The following ATG7 variants were observed in gnomAD, a reference collection of about 807,000 sequenced individuals.
ATG7 encodes the protein ubiquitin-like modifier-activating enzyme ATG7.
In ATG7, 70 loss-of-function variants were observed where a neutral mutation model predicts 82.4. The ratio of observed to expected loss-of-function variants is 0.85; its 90% CI spans 0.70 to 1.04. The LOEUF is 1.04. Among genes scored for constraint, ATG7 ranks in the 50% least tolerant of loss-of-function variants. ATG7 has a pLI of 0.00. For synonymous variants in ATG7, 287 were observed against 313.0 expected, an observed-to-expected ratio of 0.92 and a Z score of 0.88; for missense variants, 792 against 864.3, an observed-to-expected ratio of 0.92 and a Z score of 1.05.
intron 19 of ATG7, among the ~76,000 whole-genome samples, chr3:11,405,300 A>G (rs769743680): frequency 2.9e-4 from 44 of 152,132 alleles, no homozygotes; most frequent in Admixed American, 5.2e-4. Flanking sequence ...CCCACTGACT[A>G]TTGGGCTGCC....
rs1321510643 is a variant in ATG7, at chr3:11,360,793, A to T, written c.1683+9A>T. On this transcript the variant is annotated intron_variant, in intron 16 of 20. Coordinates refer to ENST00000693202, the MANE Select transcript of ATG7 (RefSeq NM_001349232.2). The stretch of plus-strand genomic sequence containing the variant: ...TGGTGGCCCCAGGAGATGTAAGTGG[A>T]TTTCTCTATAGTTCCAAATATTTCC... The T allele has an allele frequency of 6.2e-7, 1 of 1,613,936 alleles. No homozygotes were observed. Among genetic ancestry groups the T allele is most frequent in the East Asian group, 2.2e-5 (1 of 44,880 alleles).
intron 19 of ATG7, among the ~76,000 whole-genome samples, chr3:11,395,933 C>A (rs2079193967): frequency 1.1e-5 from 1 of 94,036 alleles, no homozygotes. Flanking sequence ...GAGCGAGACT[C>A]TGTCTCAAAA....
intron 20 of ATG7, among the ~76,000 whole-genome samples, chr3:11,535,161 C>T (rs2092766338): frequency 6.6e-6 from 1 of 152,236 alleles, no homozygotes; most frequent in African/African-American, 2.4e-5. Context: ...TTTCATCCTT[C>T]GGGGCCTGGA....
At position 11,424,486 on chromosome 3, in the gene ATG7, C is replaced by A. The variant is rs555853123; in HGVS notation, c.1957-2318C>A. Among the ~76,000 whole-genome samples the A allele has an allele frequency of 1.5e-4, 23 of 150,794 alleles. No homozygotes were observed. In the South Asian group the frequency reaches 3.6e-3, roughly 23 times the overall value. The stretch of plus-strand genomic sequence containing the variant: ...AGAGCGAGACTGTCACCAACAACAA[C>A]AAAAAAAACACTGATTGCAGCAACA... On this transcript the variant is annotated intron_variant, in intron 19 of 20. Coordinates refer to ENST00000693202, the MANE Select transcript of ATG7 (RefSeq NM_001349232.2).
At chr3:11,449,154 G>A (rs1450635380) in intron 20 of ATG7, among the ~76,000 whole-genome samples, 1 of 152,226 alleles carries the variant, frequency 6.6e-6, no homozygotes, top group Non-Finnish European at 1.5e-5. Context: ...AGCTTGTAAT[G>A]CAGAGGCCAC....
At chr3:11,325,275 G>C (rs1950713207) in intron 9 of ATG7, among the ~76,000 whole-genome samples, 1 of 152,144 alleles carries the variant, frequency 6.6e-6, no homozygotes, top group Non-Finnish European at 1.5e-5. Context: ...TGAACAAAGA[G>C]GTCAATGAAG....
At chr3:11,423,795 T>C (rs1350618081) in intron 19 of ATG7, among the ~76,000 whole-genome samples, 1 of 152,168 alleles carries the variant, frequency 6.6e-6, no homozygotes, top group Non-Finnish European at 1.5e-5. Flanking sequence ...TCCCAGTCCC[T>C]TCAGTGGTGC....
At chr3:11,317,644 G>T (rs1315530724) in intron 9 of ATG7, among the ~76,000 whole-genome samples, 1 of 137,486 alleles carries the variant, frequency 7.3e-6, no homozygotes, top group Non-Finnish European at 1.5e-5. Flanking sequence ...CCAGGCTGAA[G>T]TACAGTGGCA....
At chr3:11,291,993 C>G (rs768762623) in intron 3 of ATG7, among the ~76,000 whole-genome samples, 3 of 152,168 alleles carry the variant, frequency 2.0e-5, no homozygotes, top group Non-Finnish European at 4.4e-5. Context: ...TTCCTGGTGG[C>G]AGTTTGTCAC....
downstream of ATG7, among the ~76,000 whole-genome samples, chr3:11,559,067 ATTAAAT>A (rs1322482688): frequency 3.3e-5 from 5 of 152,232 alleles, no homozygotes; most frequent in East Asian, 3.9e-4. Context: ...AGAATGTGGC[ATTAAAT>A]TTAAATAACA....
chr3:11,312,504 C>G (rs1948821841), intron 7 of ATG7, among the ~76,000 whole-genome samples: 1 of 152,188 alleles, frequency 6.6e-6, no homozygotes, highest in African/African-American at 2.4e-5. Context: ...TTCTATTCAC[C>G]CATCCAGCTT....
At chr3:11,547,059 T>C (rs1041190442) in intron 20 of ATG7, among the ~76,000 whole-genome samples, 2 of 152,224 alleles carry the variant, frequency 1.3e-5, no homozygotes, top group Non-Finnish European at 2.9e-5. Context: ...GCTGTTGCTC[T>C]TGGGCACCTA....
intron 20 of ATG7, among the ~76,000 whole-genome samples, chr3:11,525,482 TTGTA>T (rs1314486183): frequency 2.0e-5 from 3 of 149,904 alleles, no homozygotes; most frequent in Non-Finnish European, 4.4e-5. Context: ...TCCTTTGCCC[TTGTA>T]TGTGACAGAT....
At chr3:11,568,065 T>A in the ATG7 span, among the ~76,000 whole-genome samples, 2 of 152,150 alleles carry the variant, frequency 1.3e-5, no homozygotes, top group African/African-American at 4.8e-5. This position sits in a 1 kb window ranked among gnomAD's most constrained non-coding sequence, Gnocchi z 5.9. Flanking sequence ...TCTCATGGGC[T>A]TACAATCTAG....
Position 11,555,513 on chromosome 3 carries a change from A to AG in ATG7, c.*673dup, listed in dbSNP as rs2072319682. 6.6e-6 allele frequency: 1 copy of AG among 152,668 alleles called. No homozygotes were observed. Among genetic ancestry groups the AG allele is most frequent in the African/African-American group, 2.4e-5 (1 of 41,242 alleles). The allele number at this position is 152,668 out of a possible 1,614,324, so 9.5% of individuals were successfully genotyped here. Reference sequence around the variant, plus strand: ...GCATCTGTGCCTGCCTGCCTGCTTGAGGGAGAGGAGTTTCTGCTGCTGCCT... The same window carrying AG: ...GCATCTGTGCCTGCCTGCCTGCTTGAGGGGAGAGGAGTTTCTGCTGCTGCCT... On this transcript the variant is annotated 3_prime_UTR_variant, in exon 21 of 21. Transcript: ENST00000693202.
chr3:11,540,900 CT>C (rs1393524922), intron 20 of ATG7, among the ~76,000 whole-genome samples: 15 of 85,020 alleles, frequency 1.8e-4, no homozygotes, highest in African/African-American at 6.1e-4. Context: ...ATAGTTTTAG[CT>C]TTTTTTGGGG....
chr3:11,543,787 G>A (rs765172349), intron 20 of ATG7, among the ~76,000 whole-genome samples: 76 of 152,184 alleles, frequency 5.0e-4, no homozygotes, highest in Non-Finnish European at 7.8e-4. Context: ...CTGTTATCCC[G>A]GCTACTCAGG....
In ATG7 at chr3:11,517,707, C is replaced by A. The variant is rs1343520513; in HGVS notation, c.2080-37104C>A. 2.0e-5 allele frequency among the ~76,000 whole-genome samples: 3 copies of A among 152,236 alleles called. No individual in the cohort carries two copies. The East Asian group carries it at 5.8e-4, about 29-fold the overall frequency. On this transcript the variant is annotated intron_variant, in intron 20 of 20. Coordinates refer to ENST00000693202, the MANE Select transcript of ATG7 (RefSeq NM_001349232.2). ...GAGAATGAGGGAAGAACATTCCAAG[C>A]CACAGAAATGGCACATGGAAGAGAG...
At chr3:11,565,014 T>G in the ATG7 span, 1 of 1,481,388 alleles carries the variant, frequency 6.8e-7, no homozygotes, top group South Asian at 1.4e-5. The surrounding 1 kb of genome is among the most constrained non-coding windows in gnomAD (Gnocchi z 4.1). Context: ...ATTGGCAGTC[T>G]TGTTCCTGAA....
Sources: allele counts gnomAD v4.1 joint callset (sites outside exome capture counted in the v4.1 genomes callset), GRCh38; gene constraint gnomAD v4.1.1; non-coding constraint Gnocchi (gnomAD v3.1); transcripts MANE v1.5; gene names NCBI Gene and HGNC (gene_info 2026-07-23, HGNC 2026-07-21).